APOC1: variants seen among roughly 807,000 people sequenced by gnomAD.
APOC1 encodes apolipoprotein C-I.
APOC1 carries 4 observed loss-of-function variants against 6.7 expected under a neutral mutation model. The observed-to-expected ratio is 0.60, with a 90% CI of 0.29 to 1.37. APOC1 has a LOEUF of 1.37. Ranked by LOEUF, APOC1 falls within the 40% of genes most tolerant of loss-of-function variation. APOC1 has a pLI of 0.09. For synonymous variants in APOC1, 33 were observed against 40.6 expected (o/e 0.81, Z 0.72); for missense variants, 122 against 99.4 (o/e 1.23, Z -0.97).
At chr19:44,916,000 G>A (rs1167375954) in intron 2 of APOC1, among the ~76,000 whole-genome samples, 190 bp from the exon 3 acceptor site, 3 of 151,514 alleles carry the variant, frequency 2.0e-5, no homozygotes, top group Non-Finnish European at 1.5e-5. Flanking sequence ...AGCTGGGTGT[G>A]GTGGTGCACA....
In APOC1 at chr19:44,914,920, T is replaced by C. The variant is rs142470704; in HGVS notation, c.29T>C (p.Leu10Pro). The stretch of plus-strand genomic sequence containing the variant: ...AGGCTCTTCCTGTCGCTCCCGGTCC[T>C]GGTGGTGGTTCTGTCGATCGTCTTG... MRLFLSLPV[L>P]VVVLSIVLEG... is the part of the protein sequence containing the mutation. Residue 10 changes from leucine (L) to proline (P), a missense_variant, in exon 2 of 4, where the codon CTG becomes CCG. Coordinates refer to ENST00000592535, the MANE Select transcript of APOC1 (RefSeq NM_001645.5). 4.5e-5 allele frequency: 72 copies of C among 1,613,668 alleles called. No individual in the cohort carries two copies. Among genetic ancestry groups the C allele is most frequent in the Non-Finnish European group, 1.0e-5 (12 of 1,179,830 alleles).
rs759273857 is a variant in APOC1 at position 44,916,147 on chromosome 19, A to AAAAAAAAC, written c.59-36_59-35insCAAAAAAA. The AAAAAAAAC allele has an allele frequency of 6.6e-6, 10 of 1,507,594 alleles. No individual in the cohort carries two copies. The African/African-American group carries it at 7.3e-5, about 11-fold the overall frequency. 93.4% of individuals were successfully genotyped at this position (1,507,594 alleles called of 1,614,324 possible). On this transcript the variant is annotated intron_variant, in intron 2 of 3. Coordinates refer to ENST00000592535, the MANE Select transcript of APOC1 (RefSeq NM_001645.5). ...GCAAGACTCCATCTCCAAAAAAAAA[A>AAAAAAAAC]AAAAAAAAACAAATTTTGAACCCCT...
chr19:44,915,538 T>C (rs1320650904), intron 2 of APOC1, among the ~76,000 whole-genome samples: 1 of 150,754 alleles, frequency 6.6e-6, no homozygotes, highest in Non-Finnish European at 1.5e-5. Context: ...GACTTTGTGA[T>C]CCGCCTGCCT....
At chr19:44,918,535 T>C (rs761632555) in intron 3 of APOC1, among the ~76,000 whole-genome samples, 1 of 151,326 alleles carries the variant, frequency 6.6e-6, no homozygotes, top group Non-Finnish European at 1.5e-5. Context: ...TAATTTTTTG[T>C]ATTCTTAGTA....
chr19:44,917,625 GAGGGAGGGAGGA>G (rs1191945124), intron 3 of APOC1, among the ~76,000 whole-genome samples: 4 of 149,104 alleles, frequency 2.7e-5, no homozygotes, highest in African/African-American at 9.8e-5. Context: ...GAAAGACAGG[GAGGGAGGGAGGA>G]AGGAAGGGAG....
Position 44,915,083 on chromosome 19 carries a change from C to G in APOC1, c.58+134C>G, listed in dbSNP as rs779947700. The G allele has an allele frequency of 1.3e-4, 117 of 920,628 alleles. No individual in the cohort carries two copies. Among genetic ancestry groups the G allele is most frequent in the Non-Finnish European group, 1.4e-4 (83 of 584,544 alleles). 57.0% of individuals were successfully genotyped at this position (920,628 alleles called of 1,614,324 possible). A position where few individuals can be genotyped will look rare whatever the true frequency, so the allele number is the denominator to read the frequency against. ...TGGGTCGTGGTTGCCTCATCGTGGT[C>G]GGGTGGGTCTCCAGGTTCTCCCAGG... On this transcript the variant is annotated intron_variant, in intron 2 of 3. Coordinates refer to ENST00000592535, the MANE Select transcript of APOC1 (RefSeq NM_001645.5).
intron 2 of APOC1, 105 bp downstream of exon 2, chr19:44,915,054 C>T (rs767679375): frequency 1.5e-6 from 2 of 1,303,098 alleles, no homozygotes; most frequent in Non-Finnish European, 2.2e-6. Context: ...TCCGGGGCCC[C>T]TTCTGGGTCG....
rs752700011 is a variant in APOC1 at position 44,915,059 on chromosome 19, G to T, written c.58+110G>T. 61 of 1,248,310 alleles carry T rather than the reference G, an allele frequency of 4.9e-5. No individual in the cohort carries two copies. The Admixed American group carries it at 7.3e-4, about 15-fold the overall frequency. 77.3% of individuals were successfully genotyped at this position (1,248,310 alleles called of 1,614,324 possible). ...CTCTGAGAGCTCCGGGGCCCCTTCTGGGTCGTGGTTGCCTCATCGTGGTCG... is the reference window on the plus strand; with the variant it reads ...CTCTGAGAGCTCCGGGGCCCCTTCTTGGTCGTGGTTGCCTCATCGTGGTCG... On this transcript the variant is annotated intron_variant, in intron 2 of 3. Coordinates refer to ENST00000592535, the MANE Select transcript of APOC1 (RefSeq NM_001645.5).
At chr19:44,917,197 AC>A (rs1970025237) in intron 3 of APOC1, among the ~76,000 whole-genome samples, 1 of 152,020 alleles carries the variant, frequency 6.6e-6, no homozygotes, top group Non-Finnish European at 1.5e-5. Context: ...ATATCATGAA[AC>A]CCACCCTTGC....
chr19:44,917,050 G>T (rs1970023171), intron 3 of APOC1, among the ~76,000 whole-genome samples: 1 of 151,964 alleles, frequency 6.6e-6, no homozygotes, highest in South Asian at 2.1e-4. Context: ...CCCCAGGCTG[G>T]AGTAGCACCC....
At chr19:44,918,959 A>G in intron 3 of APOC1, 1 of 591,682 alleles carries the variant, frequency 1.7e-6, no homozygotes, top group East Asian at 2.8e-5. Flanking sequence ...TGCCCAGCCA[A>G]GGGTAAAGTG....
chr19:44,919,071 G>A, intron 3 of APOC1, 102 bp from the exon 4 acceptor site: 1 of 1,043,386 alleles, frequency 9.6e-7, no homozygotes, highest in South Asian at 1.4e-5. Flanking sequence ...TGGGGATGGA[G>A]ATTCTGCAAG....
In APOC1 at chr19:44,916,463, A is replaced by G. The variant is rs768471905; in HGVS notation, c.194+138A>G. On this transcript the variant is annotated intron_variant, in intron 3 of 3. Coordinates refer to ENST00000592535, the MANE Select transcript of APOC1 (RefSeq NM_001645.5). ...AACATCCCTCTGGTCACACAGCTAG[A>G]TCTCAAGGTGCTCAGACTTCAAGGA... 5.3e-6 allele frequency: 6 copies of G among 1,134,826 alleles called. No homozygotes were observed. In the African/African-American group the frequency reaches 9.7e-5, roughly 18 times the overall value. 70.3% of individuals were successfully genotyped at this position (1,134,826 alleles called of 1,614,324 possible). A position where few individuals can be genotyped will look rare whatever the true frequency, so the allele number is the denominator to read the frequency against.
intron 2 of APOC1, 85 bp downstream of exon 2, chr19:44,915,034 C>G (rs777886495): frequency 1.6e-4 from 234 of 1,422,578 alleles, no homozygotes; most frequent in Non-Finnish European, 2.2e-4. Context: ...CTTAGAGGAC[C>G]TCTGAGAGCT....
intron 3 of APOC1, among the ~76,000 whole-genome samples, chr19:44,918,602 C>A (rs1390217088): frequency 6.6e-6 from 1 of 152,056 alleles, no homozygotes; most frequent in Non-Finnish European, 1.5e-5. Context: ...TGGTCTCGAT[C>A]TCCTGACCTG....
At chr19:44,917,275 G>A (rs1471960261) in intron 3 of APOC1, among the ~76,000 whole-genome samples, 1 of 152,136 alleles carries the variant, frequency 6.6e-6, no homozygotes, top group Non-Finnish European at 1.5e-5. Flanking sequence ...GCTAAGTGCT[G>A]GAAACTGTTT....
chr19:44,915,073 T>C (rs1315083921), intron 2 of APOC1, 124 bp downstream of exon 2: 5 of 1,049,502 alleles, frequency 4.8e-6, no homozygotes, highest in South Asian at 2.7e-5. Context: ...CGTGGTTGCC[T>C]CATCGTGGTC....
intron 3 of APOC1, chr19:44,918,820 T>G: frequency 1.2e-5 from 3 of 240,996 alleles, no homozygotes; most frequent in Non-Finnish European, 8.0e-6. Context: ...ACACCACACA[T>G]GGTATTTTTT....
At chr19:44,916,031 G>A (rs769517867) in intron 2 of APOC1, among the ~76,000 whole-genome samples, 159 bp from the exon 3 acceptor site, 72 of 150,084 alleles carry the variant, frequency 4.8e-4, no homozygotes, top group Non-Finnish European at 7.1e-4. Flanking sequence ...CAGCTACTTG[G>A]GAGGCTGAGG....
Sources: allele counts gnomAD v4.1 joint callset (sites outside exome capture counted in the v4.1 genomes callset), GRCh38; gene constraint gnomAD v4.1.1; transcripts MANE v1.5; gene names NCBI Gene and HGNC (gene_info 2026-07-23, HGNC 2026-07-21).